Variants in MSI2 observed in about 807,000 individuals in gnomAD.
MSI2 encodes RNA-binding protein Musashi homolog 2.
In MSI2, 17 loss-of-function variants were observed where a neutral mutation model predicts 45.6. That is an observed-to-expected ratio of 0.37 (90% CI 0.26 to 0.56). MSI2 has a LOEUF of 0.56. Among genes scored for constraint, MSI2 ranks in the 20% least tolerant of loss-of-function variants. The pLI is 0.77. For missense variants in MSI2, 293 were observed against 444.2 expected (o/e 0.66, Z 3.06); for synonymous variants, 156 against 158.2 (o/e 0.99, Z 0.11).
At chr17:57,658,420 C>T (rs966324979) in intron 11 of MSI2, among the ~76,000 whole-genome samples, 1 of 152,188 alleles carries the variant, frequency 6.6e-6, no homozygotes. Context: ...ATGTTCATTT[C>T]TGGGAGAGCC....
chr17:57,386,806 C>G (rs562755389), intron 5 of MSI2, among the ~76,000 whole-genome samples: 1 of 152,218 alleles, frequency 6.6e-6, no homozygotes, highest in African/African-American at 2.4e-5. Context: ...GTACCTTGTA[C>G]GTAGCAGACA....
chr17:57,578,075 G>A (rs1023740896), intron 7 of MSI2, among the ~76,000 whole-genome samples: 9 of 152,152 alleles, frequency 5.9e-5, no homozygotes, highest in African/African-American at 2.2e-4. Flanking sequence ...TCTGTCTGCC[G>A]CTGAGCTGTG....
chr17:57,257,536 G>A lies in MSI2; in HGVS notation c.174G>A (p.Thr58=), dbSNP rs200331039. 6.3e-7 allele frequency: 1 copy of A among 1,599,952 alleles called. No homozygotes were observed. Among genetic ancestry groups the A allele is most frequent in the East Asian group, 2.2e-5 (1 of 44,716 alleles). The change falls in exon 3 of 14, where the codon ACG becomes ACA. Residue 58 remains threonine (T), a synonymous_variant. Coordinates refer to ENST00000284073, the MANE Select transcript of MSI2 (RefSeq NM_138962.4). ...RECMVMRDPT[T]KRSRGFGFVT... is the part of the protein sequence containing the mutation. Reference sequence around the variant, plus strand: ...GTATGGTCATGAGAGATCCCACTACGAAACGCTCCAGGTAAACCATTCCCT... The same window carrying A: ...GTATGGTCATGAGAGATCCCACTACAAAACGCTCCAGGTAAACCATTCCCT...
rs1009572480 is a variant in MSI2, at chr17:57,280,298, ATC to A, written c.312+18112_312+18113del. 1.3e-5 allele frequency among the ~76,000 whole-genome samples: 2 copies of A among 152,294 alleles called. No individual in the cohort carries two copies. Among genetic ancestry groups the A allele is most frequent in the East Asian group, 1.9e-4 (1 of 5,188 alleles). On this transcript the variant is annotated intron_variant, in intron 5 of 13. Coordinates refer to ENST00000284073, the MANE Select transcript of MSI2 (RefSeq NM_138962.4). The surrounding 1 kb of genome is among the most constrained non-coding windows in gnomAD (Gnocchi z 4.2). ...ATGATCAGGTTTGCGTTTTGAAAATATCTCTCTGACAGTCTACACGAAAAGTG... is the reference window on the plus strand; with the variant it reads ...ATGATCAGGTTTGCGTTTTGAAAATATCTCTGACAGTCTACACGAAAAGTG...
At chr17:57,555,787 A>T (rs978417123) in intron 7 of MSI2, among the ~76,000 whole-genome samples, 2 of 152,126 alleles carry the variant, frequency 1.3e-5, no homozygotes, top group Non-Finnish European at 2.9e-5. Context: ...CCAGGTTGCT[A>T]TGGCAACAGA....
At chr17:57,564,422 A>C (rs936322599) in intron 7 of MSI2, among the ~76,000 whole-genome samples, 4 of 152,148 alleles carry the variant, frequency 2.6e-5, no homozygotes, top group African/African-American at 9.7e-5. Flanking sequence ...CTTTGGGGGA[A>C]GCTCTGATGT....
intron 6 of MSI2, chr17:57,440,869 G>A (rs1026706219): frequency 6.6e-6 from 1 of 152,106 alleles, no homozygotes; most frequent in South Asian, 2.1e-4. Flanking sequence ...ACGTTTGAGG[G>A]AGTAGACCTG....
intron 5 of MSI2, among the ~76,000 whole-genome samples, chr17:57,287,781 C>T (rs182881027): frequency 4.6e-5 from 7 of 152,242 alleles, no homozygotes; most frequent in Non-Finnish European, 7.4e-5. Context: ...CTGTTTCGGC[C>T]GGTTATGAAT....
chr17:57,257,587 C>G (rs982685799), intron 3 of MSI2, 40 bp downstream of exon 3: 2 of 1,429,980 alleles, frequency 1.4e-6, no homozygotes, highest in Non-Finnish European at 2.0e-6. Flanking sequence ...TATTTTAGAA[C>G]AAAGTTTAAG....
At chr17:57,328,315 A>T (rs1361733881) in intron 5 of MSI2, among the ~76,000 whole-genome samples, 1 of 129,620 alleles carries the variant, frequency 7.7e-6, no homozygotes, top group African/African-American at 4.2e-5. Flanking sequence ...GCATCCATTT[A>T]TCCATCCATC....
chr17:57,368,444 T>C (rs1353198395), intron 5 of MSI2, among the ~76,000 whole-genome samples: 1 of 151,992 alleles, frequency 6.6e-6, no homozygotes, highest in Non-Finnish European at 1.5e-5. Context: ...TAATCCCAGC[T>C]ACTCGGGAGA....
chr17:57,507,006 A>G (rs1447534643), intron 6 of MSI2, among the ~76,000 whole-genome samples: 2 of 152,060 alleles, frequency 1.3e-5, no homozygotes, highest in African/African-American at 4.8e-5. Context: ...AAAGATGCTA[A>G]TTTTGTTGTA....
chr17:57,314,697 G>A (rs1039821716), intron 5 of MSI2, among the ~76,000 whole-genome samples: 6 of 148,624 alleles, frequency 4.0e-5, no homozygotes, highest in East Asian at 4.1e-4. Flanking sequence ...TCAGCCTCCC[G>A]AATAGCTGGG....
chr17:57,312,864 T>C (rs1912512348), intron 5 of MSI2, among the ~76,000 whole-genome samples: 1 of 152,166 alleles, frequency 6.6e-6, no homozygotes, highest in Non-Finnish European at 1.5e-5. Context: ...GATTTCTTTT[T>C]TGGGACAGAG....
At chr17:57,438,593 A>G (rs561013244) in intron 6 of MSI2, among the ~76,000 whole-genome samples, 1 of 152,304 alleles carries the variant, frequency 6.6e-6, no homozygotes, top group South Asian at 2.1e-4. Flanking sequence ...GGTGGCAAGC[A>G]GGAAGGTCAG....
chr17:57,457,777 T>G (rs1202453559), intron 6 of MSI2, among the ~76,000 whole-genome samples: 1 of 152,140 alleles, frequency 6.6e-6, no homozygotes, highest in Non-Finnish European at 1.5e-5. Context: ...GGCATGGTAC[T>G]GTATGCCGGT....
intron 11 of MSI2, among the ~76,000 whole-genome samples, chr17:57,663,508 GA>G (rs1427998090): frequency 1.3e-5 from 2 of 152,156 alleles, no homozygotes; most frequent in Non-Finnish European, 2.9e-5. Flanking sequence ...GTGGGCTTCT[GA>G]CCTTGGGGAG....
At chr17:57,699,753 C>G in the MSI2 span, among the ~76,000 whole-genome samples, 1 of 152,194 alleles carries the variant, frequency 6.6e-6, no homozygotes, top group African/African-American at 2.4e-5. Flanking sequence ...CCTTTGCCAA[C>G]CCTCCAAAGG....
chr17:57,564,912 G>A (rs1366340123), intron 7 of MSI2, among the ~76,000 whole-genome samples: 2 of 152,202 alleles, frequency 1.3e-5, no homozygotes, highest in Admixed American at 1.3e-4. Flanking sequence ...GCCTTGGGTT[G>A]TTGGTTACCA....
Sources: allele counts gnomAD v4.1 joint callset (sites outside exome capture counted in the v4.1 genomes callset), GRCh38; gene constraint gnomAD v4.1.1; non-coding constraint Gnocchi (gnomAD v3.1); transcripts MANE v1.5; gene names NCBI Gene and HGNC (gene_info 2026-07-23, HGNC 2026-07-21).